Variants in POLR1A observed in about 807,000 individuals in gnomAD.
The protein encoded by POLR1A is DNA-directed RNA polymerase I subunit RPA1.
POLR1A carries 84 observed loss-of-function variants against 205.3 expected under a neutral mutation model. The observed-to-expected ratio is 0.41, with a 90% CI of 0.34 to 0.49. POLR1A has a LOEUF of 0.49. POLR1A is among the 20% of genes least tolerant of loss of function. The pLI is 0.22. For missense variants in POLR1A, 1,645 were observed against 2,204.5 expected, an observed-to-expected ratio of 0.75 and a Z score of 5.08; for synonymous variants, 799 against 863.7, an observed-to-expected ratio of 0.93 and a Z score of 1.31.
intron 22 of POLR1A, 80 bp downstream of exon 22, chr2:86,044,058 AG>A: frequency 7.1e-7 from 1 of 1,413,992 alleles, no homozygotes; most frequent in Non-Finnish European, 9.9e-7. Context: ...TGGGTTGCAA[AG>A]CTCAGCGCAT....
Position 86,028,663 on chromosome 2 carries a change from T to C in POLR1A, c.4828A>G (p.Asn1610Asp). Reference sequence around the variant, plus strand: ...AGCGCGGCCTCAATGCCATACGTGTTGGCTATGGCGTGGATGTCGTTGGAG... The same window carrying C: ...AGCGCGGCCTCAATGCCATACGTGTCGGCTATGGCGTGGATGTCGTTGGAG... ...LYSNDIHAIA[N>D]TYGIEAALRV... The change falls in exon 32 of 34, where the codon AAC (asparagine) becomes GAC (aspartate). Residue 1610 changes from asparagine (N) to aspartate (D), a missense_variant. Transcript: ENST00000263857. The surrounding 1 kb of genome is among the most constrained non-coding windows in gnomAD (Gnocchi z 4.5). The C allele has an allele frequency of 6.2e-7, 1 of 1,614,218 alleles. No homozygotes were observed. The highest frequency in any genetic ancestry group is 8.5e-7 in the Non-Finnish European group (1 of 1,180,026).
chr2:86,023,373 A>AT lies in POLR1A; in HGVS notation c.*4049dup. On this transcript the variant is annotated 3_prime_UTR_variant, in exon 34 of 34. Transcript: ENST00000263857. ...CAGCCTTTAACGACCAGTCTTTTCT[A>AT]TTTCAAGAGCAGTCTGGACTCTGAC... The AT allele has an allele frequency of 6.6e-6, 1 of 152,320 alleles. No homozygotes were observed. Among genetic ancestry groups the AT allele is most frequent in the South Asian group, 2.1e-4 (1 of 4,832 alleles). The allele number at this position is 152,320 out of a possible 1,614,324, so 9.4% of individuals were successfully genotyped here.
At position 86,070,288 on chromosome 2, in the gene POLR1A, A is replaced by G; in HGVS notation, c.1612-16T>C. 3 of 1,594,584 alleles carry G rather than the reference A, an allele frequency of 1.9e-6. No homozygotes were observed. The highest frequency in any genetic ancestry group is 2.6e-6 in the Non-Finnish European group (3 of 1,168,318). ...GCCGGCACACCTGGGAACAGAGTGG[A>G]CAGGTGGGTGATCAGTGCAAACGTC... is the stretch of plus-strand genomic sequence containing the variant. On this transcript the variant is annotated splice_polypyrimidine_tract_variant and intron_variant, in intron 12 of 33. Coordinates refer to ENST00000263857, the MANE Select transcript of POLR1A (RefSeq NM_015425.6). This position sits in a 1 kb window ranked among gnomAD's most constrained non-coding sequence, Gnocchi z 4.4.
intron 8 of POLR1A, 25 bp from the exon 9 acceptor site, chr2:86,081,003 T>C: frequency 1.9e-6 from 3 of 1,593,796 alleles, no homozygotes; most frequent in Non-Finnish European, 2.6e-6. Flanking sequence ...ACGGAATAAA[T>C]GAATGTTTAG....
rs1053750386 is a variant in POLR1A at position 86,077,739 on chromosome 2, T to A, written c.1380+120A>T. The A allele has an allele frequency of 4.2e-6, 5 of 1,195,756 alleles. No homozygotes were observed. The East Asian group carries it at 9.4e-5, about 22-fold the overall frequency. The allele number at this position is 1,195,756 out of a possible 1,614,324, so 74.1% of individuals were successfully genotyped here. The stretch of plus-strand genomic sequence containing the variant: ...CCAAGCCAGAATAATCTGCTGCACA[T>A]CCTGTCCCCAGTCCTCTGCGGCATT... On this transcript the variant is annotated intron_variant, in intron 11 of 33. Transcript: ENST00000263857.
At position 86,038,788 on chromosome 2, in the gene POLR1A, G is replaced by A. The variant is rs1276549032; in HGVS notation, c.3946C>T (p.Gln1316Ter). Residue 1316 changes from glutamine (Q) to a stop codon, truncating the protein, a stop_gained, in exon 27 of 34, where the codon CAG becomes TAG. Coordinates refer to ENST00000263857, the MANE Select transcript of POLR1A (RefSeq NM_015425.6). LOFTEE classifies it high-confidence loss of function. ...TGTGGCAGGAACTGAAACCGCAGCT[G>A]GTACACCTGGAATTTGTTCTGTTTT... The part of the protein sequence containing the change: ...EEKQNKFQVY[Q>*]LRFQFLPHAY... 1 of 1,613,784 alleles carries A rather than the reference G, an allele frequency of 6.2e-7. No homozygotes were observed. Among genetic ancestry groups the A allele is most frequent in the Admixed American group, 1.7e-5 (1 of 59,982 alleles).
intron 33 of POLR1A, 66 bp downstream of exon 33, chr2:86,027,819 T>C (rs932777311): frequency 1.9e-5 from 29 of 1,551,220 alleles, no homozygotes; most frequent in Middle Eastern, 3.8e-4. Context: ...AAGATGCCCA[T>C]GGGTGAGCCC....
Position 86,031,550 on chromosome 2 carries a change from C to T in POLR1A, c.4358G>A (p.Arg1453Lys). Reference sequence around the variant, plus strand: ...CTCTTGGGTCTTTCGAGCACCTTCCCTGTGGGGATTTCGTTCCTCCTGCAT... The same window carrying T: ...CTCTTGGGTCTTTCGAGCACCTTCCTTGTGGGGATTTCGTTCCTCCTGCAT... ...EDMQEERNPH[R>K]EGARKTQEQD... The change falls in exon 30 of 34, where the codon AGG becomes AAG. Residue 1453 changes from arginine to lysine, a missense_variant. By Grantham distance (26) the Arg-to-Lys change is conservative (BLOSUM62 2). Around this residue, in one of 16 missense-constraint regions of POLR1A, gnomAD observed 394 missense variants for 468.5 expected, o/e 0.84. Transcript: ENST00000263857. 7 of 1,614,188 alleles carry T rather than the reference C, an allele frequency of 4.3e-6. No homozygotes were observed. Among genetic ancestry groups the T allele is most frequent in the Non-Finnish European group, 5.9e-6 (7 of 1,180,004 alleles).
chr2:86,035,720 C>G (rs1303787956), intron 27 of POLR1A, among the ~76,000 whole-genome samples: 2 of 152,230 alleles, frequency 1.3e-5, no homozygotes, highest in Non-Finnish European at 2.9e-5. Flanking sequence ...CAGTAACTTC[C>G]CTGGCCAATA....
rs906081735 is a variant in POLR1A, at chr2:86,020,418, T to C, written c.*7005A>G. ...AAAAAATTAGCTGGGCATGGTGTTG[T>C]GTGCCTGTAGTCCCAGTTACTTGGA... On this transcript the variant is annotated 3_prime_UTR_variant, in exon 34 of 34. Coordinates refer to ENST00000263857, the MANE Select transcript of POLR1A (RefSeq NM_015425.6). 7 of 151,882 alleles carry C rather than the reference T, an allele frequency of 4.6e-5. No individual in the cohort carries two copies. The highest frequency in any genetic ancestry group is 1.7e-4 in the African/African-American group (7 of 41,330). 9.4% of individuals were successfully genotyped at this position (151,882 alleles called of 1,614,324 possible). A position where few individuals can be genotyped will look rare whatever the true frequency, so the allele number is the denominator to read the frequency against.
At chr2:86,089,356 C>T (rs1673561680) in intron 4 of POLR1A, among the ~76,000 whole-genome samples, 1 of 152,228 alleles carries the variant, frequency 6.6e-6, no homozygotes, top group South Asian at 2.1e-4. Flanking sequence ...CTACCCCAGA[C>T]CAATTAAATC....
chr2:86,020,864 A>G lies in POLR1A; in HGVS notation c.*6559T>C, dbSNP rs1410050611. ...GGGGGCAAATTGCCCCAAGTTGAGA[A>G]CCACTTAGTGTATAGGTAAACATGT... On this transcript the variant is annotated 3_prime_UTR_variant, in exon 34 of 34. Transcript: ENST00000263857. 1 of 152,260 alleles carries G rather than the reference A, an allele frequency of 6.6e-6. No homozygotes were observed. The highest frequency in any genetic ancestry group is 1.5e-5 in the Non-Finnish European group (1 of 68,048). The allele number at this position is 152,260 out of a possible 1,614,324, so 9.4% of individuals were successfully genotyped here.
intron 14 of POLR1A, among the ~76,000 whole-genome samples, chr2:86,060,691 T>G (rs1311851820): frequency 6.6e-6 from 1 of 152,110 alleles, no homozygotes; most frequent in Non-Finnish European, 1.5e-5. Flanking sequence ...AAATCATCCC[T>G]AGGCAGATAG....
intron 3 of POLR1A, among the ~76,000 whole-genome samples, chr2:86,096,035 T>A (rs1313632787): frequency 6.6e-6 from 1 of 151,798 alleles, no homozygotes; most frequent in African/African-American, 2.4e-5. Flanking sequence ...GCCGACATAA[T>A]CTCATATATA....
At chr2:86,048,542 C>G (rs971431586) in intron 18 of POLR1A, among the ~76,000 whole-genome samples, 4 of 152,226 alleles carry the variant, frequency 2.6e-5, no homozygotes, top group Admixed American at 2.6e-4. Flanking sequence ...GCATGAGCAG[C>G]CAGGGCGATC....
intron 24 of POLR1A, 39 bp downstream of exon 24, chr2:86,041,850 T>C: frequency 1.3e-6 from 2 of 1,550,712 alleles, no homozygotes; most frequent in Non-Finnish European, 1.8e-6. Context: ...AGGAGGCAGA[T>C]TCTCCTGCAC....
intron 20 of POLR1A, 33 bp downstream of exon 20, chr2:86,045,584 G>A: frequency 6.2e-7 from 1 of 1,612,272 alleles, no homozygotes; most frequent in Non-Finnish European, 8.5e-7. Flanking sequence ...AGAAATGAGG[G>A]AAAAAGCTAA....
chr2:86,032,351 C>T lies in POLR1A; in HGVS notation c.4193G>A (p.Gly1398Glu), dbSNP rs1672414587. 4.3e-6 allele frequency: 7 copies of T among 1,613,196 alleles called. No individual in the cohort carries two copies. The highest frequency in any genetic ancestry group is 5.1e-6 in the Non-Finnish European group (6 of 1,179,400). Residue 1398 changes from glycine (G) to glutamate (E), a missense_variant, in exon 29 of 34, where the codon GGG becomes GAG. Transcript: ENST00000263857. ...CTCAGCTTCAGCATCCACAATGTGC[C>T]CCTCCTCTTCCTCATCACCCTCCTG... Reference protein sequence around the residue: ...GEQEGDEEEEGHIVDAEAEEG... With the variant: ...GEQEGDEEEEEHIVDAEAEEG...
intron 2 of POLR1A, 32 bp from the exon 3 acceptor site, chr2:86,098,792 T>C: frequency 1.2e-6 from 2 of 1,609,562 alleles, no homozygotes; most frequent in Non-Finnish European, 1.7e-6. Context: ...AAACAGGATA[T>C]TAGAAAGAGA....
Sources: allele counts gnomAD v4.1 joint callset (sites outside exome capture counted in the v4.1 genomes callset), GRCh38; gene constraint gnomAD v4.1.1; regional missense constraint gnomAD v4.1.1; non-coding constraint Gnocchi (gnomAD v3.1); transcripts MANE v1.5; gene names NCBI Gene and HGNC (gene_info 2026-07-23, HGNC 2026-07-21).